Variants in TBC1D5 observed in about 807,000 individuals in gnomAD.
TBC1D5 encodes TBC1 domain family, member 5.
TBC1D5 carries 75 observed loss-of-function variants against 100.3 expected under a neutral mutation model. That is an observed-to-expected ratio of 0.75 (90% CI 0.62 to 0.91). The LOEUF (loss-of-function observed/expected upper bound fraction) is 0.91, where lower values mean the gene tolerates loss of function less well. Among genes scored for constraint, TBC1D5 ranks in the 40% least tolerant of loss-of-function variants. The probability of loss-of-function intolerance (pLI) is 0.00; values close to 1 mark genes in which losing one functional copy is unlikely to be tolerated. For synonymous variants in TBC1D5, 323 were observed against 325.6 expected (o/e 0.99, Z 0.09); for missense variants, 910 against 942.4 (o/e 0.97, Z 0.45).
intron 16 of TBC1D5, among the ~76,000 whole-genome samples, chr3:17,247,938 A>C (rs2076872172): frequency 6.6e-6 from 1 of 151,774 alleles, no homozygotes; most frequent in Non-Finnish European, 1.5e-5. Context: ...CTCCACTTAT[A>C]ATTCTAGTTC....
chr3:17,274,382 A>G (rs898546629), intron 15 of TBC1D5, among the ~76,000 whole-genome samples: 1 of 152,238 alleles, frequency 6.6e-6, no homozygotes, highest in African/African-American at 2.4e-5. Flanking sequence ...CAAATACAAG[A>G]AAGTTCAAAT....
intron 18 of TBC1D5, among the ~76,000 whole-genome samples, chr3:17,194,916 T>A (rs1414446829): frequency 6.6e-6 from 1 of 152,118 alleles, no homozygotes; most frequent in African/African-American, 2.4e-5. Context: ...ATATCTAAAG[T>A]AAAGTAAATA....
intron 1 of TBC1D5, among the ~76,000 whole-genome samples, chr3:17,727,810 G>C (rs549586062): frequency 5.9e-5 from 9 of 152,292 alleles, no homozygotes; most frequent in African/African-American, 1.9e-4. Flanking sequence ...CTGTAAAACA[G>C]TGATGTTAAA....
At chr3:17,179,909 G>T (rs143175809) in intron 19 of TBC1D5, among the ~76,000 whole-genome samples, 1 of 152,196 alleles carries the variant, frequency 6.6e-6, no homozygotes, top group Non-Finnish European at 1.5e-5. Context: ...CCAGAAGGAT[G>T]AGCAGCTCAT....
chr3:17,180,410 G>T (rs1353383726), intron 19 of TBC1D5, among the ~76,000 whole-genome samples: 1 of 152,140 alleles, frequency 6.6e-6, no homozygotes, highest in East Asian at 1.9e-4. Flanking sequence ...CATTTGTTCT[G>T]CTATCAGTTA....
At chr3:17,555,741 A>G (rs77630102) in intron 2 of TBC1D5, among the ~76,000 whole-genome samples, 2 of 152,258 alleles carry the variant, frequency 1.3e-5, no homozygotes, top group East Asian at 3.9e-4. Context: ...CTATACTACA[A>G]TCAGGGTGGT....
intron 17 of TBC1D5, among the ~76,000 whole-genome samples, chr3:17,231,706 T>C (rs1004791282): frequency 2.0e-5 from 3 of 152,176 alleles, no homozygotes; most frequent in African/African-American, 7.2e-5. Context: ...CTTGGTACTC[T>C]TCAGGGAATA....
intron 16 of TBC1D5, among the ~76,000 whole-genome samples, chr3:17,241,363 A>C (rs2076293222): frequency 6.6e-6 from 1 of 152,206 alleles, no homozygotes. Context: ...AGCAGGGATT[A>C]GACTGGATTA....
intron 15 of TBC1D5, among the ~76,000 whole-genome samples, chr3:17,288,770 T>A (rs577531595): frequency 6.6e-6 from 1 of 152,286 alleles, no homozygotes; most frequent in South Asian, 2.1e-4. Context: ...ATTGTCAGCA[T>A]GATCTTGTTC....
At chr3:17,360,155 T>G (rs778235994) in intron 13 of TBC1D5, among the ~76,000 whole-genome samples, 1 of 152,042 alleles carries the variant, frequency 6.6e-6, no homozygotes, top group Non-Finnish European at 1.5e-5. Flanking sequence ...CATTCCTTTG[T>G]TTTACTGTGA....
intron 3 of TBC1D5, among the ~76,000 whole-genome samples, chr3:17,501,948 T>C (rs2095792158): frequency 6.7e-6 from 1 of 149,788 alleles, no homozygotes; most frequent in South Asian, 2.1e-4. Context: ...CAGCAAATAA[T>C]GTCACACTAA....
At chr3:17,237,905 T>C (rs1399917122) in intron 17 of TBC1D5, among the ~76,000 whole-genome samples, 1 of 152,152 alleles carries the variant, frequency 6.6e-6, no homozygotes, top group Non-Finnish European at 1.5e-5. Flanking sequence ...GTTGTGTTAA[T>C]TCATGCCATC....
chr3:17,599,796 A>G (rs936030298), intron 2 of TBC1D5, among the ~76,000 whole-genome samples: 1 of 152,176 alleles, frequency 6.6e-6, no homozygotes. Context: ...GCGGCCAAGT[A>G]AGCAAGCCAC....
At chr3:17,258,316 T>A (rs569042274) in intron 16 of TBC1D5, among the ~76,000 whole-genome samples, 190 bp downstream of exon 16, 1 of 152,164 alleles carries the variant, frequency 6.6e-6, no homozygotes, top group Non-Finnish European at 1.5e-5. Context: ...TTATTTTTCG[T>A]CTTACCATTG....
intron 13 of TBC1D5, among the ~76,000 whole-genome samples, chr3:17,309,406 TTAAATGCCGAAG>T (rs1238133172): frequency 4.1e-4 from 63 of 152,044 alleles, no homozygotes; most frequent in African/African-American, 1.5e-3. Context: ...TATAAAAAAT[TTAAATGCCGAAG>T]TATTGTTTAT....
chr3:17,240,176 A>G (rs1261856598), intron 16 of TBC1D5, among the ~76,000 whole-genome samples: 2 of 152,206 alleles, frequency 1.3e-5, no homozygotes, highest in East Asian at 1.9e-4. Context: ...TCTACCTTCC[A>G]TAAAGTTTTC....
At chr3:17,698,780 G>A (rs75980247) in intron 1 of TBC1D5, among the ~76,000 whole-genome samples, 80,749 of 140,940 alleles carry the variant, frequency 0.57, 23,924 homozygotes, top group East Asian at 0.99. Context: ...GCAGCCAAAA[G>A]ACACATGAAA....
intron 1 of TBC1D5, among the ~76,000 whole-genome samples, chr3:17,705,816 CAG>C (rs1372742307): frequency 2.0e-5 from 3 of 148,264 alleles, no homozygotes; most frequent in Admixed American, 1.3e-4. Flanking sequence ...GGCGGCCAGG[CAG>C]AGACACTCCT....
Position 17,185,196 on chromosome 3 carries a change from C to T in TBC1D5, c.1765G>A (p.Glu589Lys), listed in dbSNP as rs776096582. ...CCTTGAAGGAAGGAAATTTGGGCTT[C>T]TAATTCTTCTTCCTAAAATAAAGGG... The change falls in exon 19 of 22, where the codon GAA (glutamate) becomes AAA (lysine). Residue 589 changes from glutamate (E) to lysine (K), a missense_variant. Glu to Lys is a moderately conservative substitution (Grantham distance 56). Transcript: ENST00000253692. 4 of 1,612,970 alleles carry T rather than the reference C, an allele frequency of 2.5e-6. No individual in the cohort carries two copies. The South Asian group carries it at 4.4e-5, about 18-fold the overall frequency.
Sources: gnomAD v4.1 joint callset for allele counts (sites outside exome capture counted in the v4.1 genomes callset) on GRCh38, gnomAD v4.1.1 for gene constraint, MANE v1.5 for transcripts, NCBI Gene and HGNC (gene_info 2026-07-23, HGNC 2026-07-21) for gene names.